Variants in CCDC92 observed in about 807,000 individuals in gnomAD.
The protein encoded by CCDC92 is coiled-coil domain-containing protein 92.
CCDC92 carries 12 observed loss-of-function variants against 24.9 expected under a neutral mutation model. The ratio of observed to expected loss-of-function variants is 0.48; its 90% CI spans 0.31 to 0.78. The LOEUF (loss-of-function observed/expected upper bound fraction) is 0.78. CCDC92 is among the 30% of genes least tolerant of loss of function. The probability of loss-of-function intolerance (pLI) is 0.05; values close to 1 mark genes in which losing one functional copy is unlikely to be tolerated. For synonymous variants in CCDC92, 193 were observed against 196.3 expected (o/e 0.98, Z 0.14); for missense variants, 399 against 439.4 (o/e 0.91, Z 0.82).
chr12:123,943,326 C>G, intron 3 of CCDC92, 21 bp downstream of exon 3: 5 of 1,607,996 alleles, frequency 3.1e-6, no homozygotes, highest in African/African-American at 1.3e-5. Context: ...CCCGCCTGCC[C>G]GGGCCTGCTC....
intron 1 of CCDC92, among the ~76,000 whole-genome samples, chr12:123,964,853 C>A (rs1485323045): frequency 1.3e-5 from 2 of 152,132 alleles, no homozygotes; most frequent in Admixed American, 6.5e-5. Context: ...CACATTTCTG[C>A]CAATTTTAAA....
intron 4 of CCDC92, among the ~76,000 whole-genome samples, chr12:123,938,407 C>T (rs1283890383): frequency 6.6e-6 from 1 of 152,148 alleles, no homozygotes. Flanking sequence ...GCTGTCTCGC[C>T]TCTGTGGCTC....
intron 1 of CCDC92, chr12:123,961,088 T>A (rs1222744657): frequency 6.6e-6 from 1 of 152,240 alleles, no homozygotes; most frequent in African/African-American, 2.4e-5. Flanking sequence ...GAAAACAATG[T>A]ATAATTAAAT....
At chr12:123,961,171 AGC>A (rs1956263589) in intron 1 of CCDC92, 2 of 152,262 alleles carry the variant, frequency 1.3e-5, no homozygotes. Flanking sequence ...TGCCCATCCT[AGC>A]ACTGGCAGCT....
chr12:123,948,121 C>T (rs1955927954), intron 1 of CCDC92, among the ~76,000 whole-genome samples: 1 of 152,202 alleles, frequency 6.6e-6, no homozygotes, highest in South Asian at 2.1e-4. Flanking sequence ...TTTACAGGCA[C>T]ACCTTGCTCA....
In CCDC92 at chr12:123,949,490, G is replaced by A. The variant is rs901770461; in HGVS notation, c.-59-5126C>T. 5.3e-5 allele frequency among the ~76,000 whole-genome samples: 8 copies of A among 152,314 alleles called. No individual in the cohort carries two copies. The South Asian group carries it at 1.0e-3, about 20-fold the overall frequency. ...ACTATCACTTCAGGGCCTGGTCACGGCTGCCAGAGGGCCAGCCCCACCCAG... is the reference window on the plus strand; with the variant it reads ...ACTATCACTTCAGGGCCTGGTCACGACTGCCAGAGGGCCAGCCCCACCCAG... On this transcript the variant is annotated intron_variant, in intron 1 of 4. Transcript: ENST00000238156.
At chr12:123,968,233 A>T (rs569729926) in intron 1 of CCDC92, 1 of 152,354 alleles carries the variant, frequency 6.6e-6, no homozygotes, top group South Asian at 2.1e-4. Flanking sequence ...TTCGTAGTAA[A>T]GTTCTTTCTG....
intron 1 of CCDC92, chr12:123,962,725 C>G (rs1347440511): frequency 1.3e-5 from 2 of 152,512 alleles, no homozygotes; most frequent in Non-Finnish European, 2.9e-5. Context: ...TCATGTGGGT[C>G]TTACAGAGGA....
At chr12:123,942,712 A>G (rs776174109) in intron 4 of CCDC92, 32 bp downstream of exon 4, 1 of 1,559,148 alleles carries the variant, frequency 6.4e-7, no homozygotes, top group Non-Finnish European at 8.9e-7. Context: ...AGGGAAACCT[A>G]CTGTCATTTA....
In CCDC92 at chr12:123,937,050, G is replaced by A. The variant is rs753257859; in HGVS notation, c.*8C>T. ...GCATGGACAGCGCGGGGTGGGGCAC[G>A]GCGGGCTTCACACAGTTCTGTCCGT... On this transcript the variant is annotated 3_prime_UTR_variant, in exon 5 of 5. Transcript: ENST00000238156. The surrounding 1 kb of genome is among the most constrained non-coding windows in gnomAD (Gnocchi z 8.4). The A allele has an allele frequency of 8.7e-6, 14 of 1,613,508 alleles. No homozygotes were observed. Among genetic ancestry groups the A allele is most frequent in the Middle Eastern group, 1.7e-4 (1 of 5,978 alleles).
chr12:123,942,464 T>C (rs971485945), intron 4 of CCDC92, among the ~76,000 whole-genome samples: 24 of 152,332 alleles, frequency 1.6e-4, no homozygotes, highest in Middle Eastern at 3.4e-3. Context: ...AAGGAACACA[T>C]GTTCATTGTA....
chr12:123,951,307 A>G (rs1423285564), intron 1 of CCDC92, among the ~76,000 whole-genome samples: 2 of 152,214 alleles, frequency 1.3e-5, no homozygotes, highest in African/African-American at 4.8e-5. Context: ...CAATATTCCA[A>G]CGTATTCCTG....
chr12:123,961,578 A>G lies in CCDC92; in HGVS notation c.-60+10951T>C, dbSNP rs368310778. Among the ~76,000 whole-genome samples, 33 of 152,364 alleles carry G rather than the reference A, an allele frequency of 2.2e-4. No homozygotes were observed. The South Asian group carries it at 6.6e-3, about 31-fold the overall frequency. On this transcript the variant is annotated intron_variant, in intron 1 of 4. Transcript: ENST00000238156. ...GCTCAGAAAAGTCGAGATGGAAAAGATAAGCAATGGGGAAAAGCTAAGTTT... is the reference window on the plus strand; with the variant it reads ...GCTCAGAAAAGTCGAGATGGAAAAGGTAAGCAATGGGGAAAAGCTAAGTTT...
At chr12:123,951,683 G>A (rs7305401) in intron 1 of CCDC92, among the ~76,000 whole-genome samples, 25 of 152,224 alleles carry the variant, frequency 1.6e-4, no homozygotes, top group Non-Finnish European at 2.5e-4. Flanking sequence ...GTGTCTCCAC[G>A]TTTGTGCACA....
chr12:123,945,902 G>C (rs1192446094), intron 1 of CCDC92: 1 of 23,928 alleles, frequency 4.2e-5, no homozygotes, highest in African/African-American at 1.5e-4. Flanking sequence ...TGACAGGAGA[G>C]CTGCCCTAGG....
intron 1 of CCDC92, among the ~76,000 whole-genome samples, chr12:123,956,992 A>G (rs1224803820): frequency 6.6e-6 from 1 of 152,196 alleles, no homozygotes; most frequent in Non-Finnish European, 1.5e-5. Context: ...GCCTTGTTAA[A>G]GGTCATCATT....
At chr12:123,960,133 T>C (rs1441553859) in intron 1 of CCDC92, among the ~76,000 whole-genome samples, 1 of 152,246 alleles carries the variant, frequency 6.6e-6, no homozygotes, top group African/African-American at 2.4e-5. Flanking sequence ...ACAAGGACTT[T>C]TCTGTCTTGT....
intron 1 of CCDC92, chr12:123,962,918 T>A (rs75321546): frequency 0.32 from 48,479 of 152,022 alleles, 7,861 homozygotes; most frequent in Middle Eastern, 0.37. Context: ...AGGCAAACTG[T>A]AAGCAGTCGG....
Position 123,949,523 on chromosome 12 carries a change from T to C in CCDC92, c.-59-5159A>G, listed in dbSNP as rs111552578. On this transcript the variant is annotated intron_variant, in intron 1 of 4. Coordinates refer to ENST00000238156, the MANE Select transcript of CCDC92 (RefSeq NM_025140.3). ...AGGGCCAGCCCCACCCAGGTGACTT[T>C]GCACAGCTCTGCTAGTTTTTCTCCC... 4.2e-3 allele frequency among the ~76,000 whole-genome samples: 638 copies of C among 152,316 alleles called. 9 individuals are homozygous for C. The highest frequency in any genetic ancestry group is 0.015 in the African/African-American group (606 of 41,584).
Sources: allele counts gnomAD v4.1 joint callset (sites outside exome capture counted in the v4.1 genomes callset), GRCh38; gene constraint gnomAD v4.1.1; non-coding constraint Gnocchi (gnomAD v3.1); transcripts MANE v1.5; gene names NCBI Gene and HGNC (gene_info 2026-07-23, HGNC 2026-07-21).